Variants in ANO3 observed in about 807,000 individuals in gnomAD.
The protein encoded by ANO3 is anoctamin 3.
A neutral mutation model predicts 144.8 loss-of-function variants in ANO3; 99 were observed. The ratio of observed to expected loss-of-function variants is 0.68; its 90% CI spans 0.58 to 0.81. The LOEUF (loss-of-function observed/expected upper bound fraction) is 0.81. Among genes scored for constraint, ANO3 ranks in the 30% least tolerant of loss-of-function variants. ANO3 has a pLI of 0.00. For synonymous variants in ANO3, 414 were observed against 392.6 expected (o/e 1.05, Z -0.64); for missense variants, 905 against 1,202.2 (o/e 0.75, Z 3.66).
chr11:26,386,367 A>G (rs1856732452), intron 1 of ANO3, among the ~76,000 whole-genome samples: 1 of 152,140 alleles, frequency 6.6e-6, no homozygotes, highest in African/African-American at 2.4e-5. Context: ...GGCATCCATC[A>G]TAGTGCTTGT....
rs183797712 is a variant in ANO3 at position 26,285,055 on chromosome 11, A to C, written c.155-24590A>C. Among the ~76,000 whole-genome samples the C allele has an allele frequency of 8.3e-3, 1,262 of 152,228 alleles. 12 individuals carry two copies. The highest frequency in any genetic ancestry group is 0.029 in the African/African-American group (1,204 of 41,520). ...AAACCGCCTTTACTTCAGAATTTCC[A>C]CTAGGGGGAGCTACCACTATGTGGT... On this transcript the variant is annotated intron_variant, in intron 1 of 27. Transcript: ENST00000672621.
At chr11:26,320,526 T>G (rs975053438) in intron 1 of ANO3, among the ~76,000 whole-genome samples, 3 of 152,228 alleles carry the variant, frequency 2.0e-5, no homozygotes, top group Non-Finnish European at 4.4e-5. Context: ...CTTCGTTTAC[T>G]TTTTACTATA....
intron 21 of ANO3, among the ~76,000 whole-genome samples, chr11:26,640,286 A>G (rs930460484): frequency 2.0e-5 from 3 of 152,224 alleles, no homozygotes; most frequent in Non-Finnish European, 4.4e-5. Context: ...GAGATGACCC[A>G]GTGCTTTTTA....
chr11:26,358,462 G>C (rs1024182562), intron 1 of ANO3, among the ~76,000 whole-genome samples: 1 of 152,128 alleles, frequency 6.6e-6, no homozygotes, highest in Non-Finnish European at 1.5e-5. Flanking sequence ...AAGCCACCGC[G>C]CCCGGCCACA....
At chr11:26,387,772 G>T (rs1437452659) in intron 1 of ANO3, among the ~76,000 whole-genome samples, 1 of 152,068 alleles carries the variant, frequency 6.6e-6, no homozygotes, top group Non-Finnish European at 1.5e-5. Flanking sequence ...TTAAATCAGG[G>T]ATGTTTCTCT....
intron 1 of ANO3, among the ~76,000 whole-genome samples, chr11:26,270,768 A>C (rs1440499135): frequency 6.6e-6 from 1 of 152,230 alleles, no homozygotes. Context: ...AGGCAGCTAC[A>C]CTACAATCTG....
intron 26 of ANO3, among the ~76,000 whole-genome samples, chr11:26,658,678 A>G (rs1413830133): frequency 6.6e-6 from 1 of 152,198 alleles, no homozygotes; most frequent in African/African-American, 2.4e-5. Context: ...ATTTAATTAT[A>G]GCAAATGTTT....
intron 1 of ANO3, among the ~76,000 whole-genome samples, chr11:26,244,653 A>G (rs907524932): frequency 7.2e-5 from 11 of 152,192 alleles, no homozygotes; most frequent in African/African-American, 2.4e-4. Context: ...TACATGACCA[A>G]AATGCATCAC....
intron 1 of ANO3, among the ~76,000 whole-genome samples, chr11:26,354,887 A>G (rs1253054174): frequency 6.6e-6 from 1 of 151,726 alleles, no homozygotes; most frequent in South Asian, 2.1e-4. Flanking sequence ...TTTTTTTTAA[A>G]TTTCTTAAAA....
At chr11:26,294,088 A>G (rs1279036176) in intron 1 of ANO3, among the ~76,000 whole-genome samples, 1 of 152,176 alleles carries the variant, frequency 6.6e-6, no homozygotes, top group Non-Finnish European at 1.5e-5. Context: ...AGCTGAAAGA[A>G]TAACAGTAGA....
intron 2 of ANO3, among the ~76,000 whole-genome samples, chr11:26,443,156 A>C (rs1858582342): frequency 6.6e-6 from 1 of 152,188 alleles, no homozygotes; most frequent in Admixed American, 6.5e-5. Context: ...TGGATAACTA[A>C]AAAATATCAA....
intron 1 of ANO3, among the ~76,000 whole-genome samples, chr11:26,345,914 A>G (rs1855485634): frequency 6.6e-6 from 1 of 152,252 alleles, no homozygotes; most frequent in Non-Finnish European, 1.5e-5. Context: ...TAATATAAAT[A>G]TATAGAAAAG....
chr11:26,383,338 A>T (rs1417736974), intron 1 of ANO3, among the ~76,000 whole-genome samples: 1 of 152,112 alleles, frequency 6.6e-6, no homozygotes, highest in African/African-American at 2.4e-5. Context: ...ATTCCCAAAG[A>T]CCACTCTGAG....
At chr11:26,380,431 G>A (rs563149552) in intron 1 of ANO3, among the ~76,000 whole-genome samples, 80 of 152,266 alleles carry the variant, frequency 5.3e-4, no homozygotes, top group African/African-American at 1.9e-3. Flanking sequence ...AAACAGAAAT[G>A]TATTGCTCAC....
chr11:26,625,309 T>C (rs1359977356), intron 18 of ANO3, among the ~76,000 whole-genome samples: 1 of 152,234 alleles, frequency 6.6e-6, no homozygotes, highest in Non-Finnish European at 1.5e-5. Flanking sequence ...TTGGATTTTA[T>C]CTTTTGATAG....
intron 14 of ANO3, among the ~76,000 whole-genome samples, chr11:26,579,385 T>C (rs1335849550): frequency 2.6e-5 from 4 of 152,182 alleles, no homozygotes; most frequent in African/African-American, 9.7e-5. Flanking sequence ...GAATCTTGAT[T>C]TGTTCCTTGG....
At chr11:26,658,402 TC>T (rs1262823341) in intron 26 of ANO3, among the ~76,000 whole-genome samples, 4 of 62,816 alleles carry the variant, frequency 6.4e-5, no homozygotes, top group African/African-American at 1.5e-4. Flanking sequence ...TCACCTGAGG[TC>T]AGGAGTTCAA....
At chr11:26,451,705 T>A (rs1197158625) in intron 3 of ANO3, among the ~76,000 whole-genome samples, 1 of 152,106 alleles carries the variant, frequency 6.6e-6, no homozygotes, top group Non-Finnish European at 1.5e-5. Flanking sequence ...ACTTAAATGT[T>A]CCTGTCTGAC....
At chr11:26,192,840 G>C (rs918649909) in intron 1 of ANO3, among the ~76,000 whole-genome samples, 68 of 152,152 alleles carry the variant, frequency 4.5e-4, no homozygotes, top group African/African-American at 1.6e-3. Context: ...AAATAGTCCA[G>C]TGAGGGAAAT....
Sources: gnomAD v4.1 joint callset for allele counts (sites outside exome capture counted in the v4.1 genomes callset) on GRCh38, gnomAD v4.1.1 for gene constraint, MANE v1.5 for transcripts, NCBI Gene and HGNC (gene_info 2026-07-23, HGNC 2026-07-21) for gene names.